KDM4C: variants seen among roughly 807,000 people sequenced by gnomAD.
KDM4C encodes the protein lysine-specific demethylase 4C.
In KDM4C, 81 loss-of-function variants were observed where a neutral mutation model predicts 129.3. That is an observed-to-expected ratio of 0.63 (90% confidence interval 0.52 to 0.75). KDM4C has a LOEUF of 0.75. Ranked by LOEUF, KDM4C falls within the 30% of genes least tolerant of loss-of-function variation. KDM4C has a pLI of 0.00. For missense variants in KDM4C, 1,457 were observed against 1,304.0 expected (o/e 1.12, Z -1.81); for synonymous variants, 573 against 456.1 (o/e 1.26, Z -3.26).
intron 1 of KDM4C, among the ~76,000 whole-genome samples, chr9:6,782,941 G>A (rs12006115): frequency 0.096 from 14,673 of 152,198 alleles, 826 homozygotes; most frequent in Non-Finnish European, 0.11. Context: ...GAGAATGGAT[G>A]TGAAAGATGC....
intron 8 of KDM4C, among the ~76,000 whole-genome samples, chr9:6,901,164 C>A (rs963187256): frequency 6.6e-6 from 1 of 152,086 alleles, no homozygotes; most frequent in African/African-American, 2.4e-5. Flanking sequence ...CATGAGGTGA[C>A]GTTTGAGAGA....
intron 1 of KDM4C, among the ~76,000 whole-genome samples, chr9:6,740,277 C>A (rs1438889752): frequency 2.0e-5 from 3 of 151,992 alleles, no homozygotes; most frequent in Non-Finnish European, 4.4e-5. Context: ...AATCTCGTCT[C>A]ACTGCAAGCT....
intron 17 of KDM4C, among the ~76,000 whole-genome samples, chr9:7,090,628 T>A (rs1835682934): frequency 6.6e-6 from 1 of 152,238 alleles, no homozygotes; most frequent in African/African-American, 2.4e-5. Context: ...TGGAATGGAC[T>A]GCTTGTGTTT....
intron 1 of KDM4C, among the ~76,000 whole-genome samples, chr9:6,784,748 C>G (rs1429052179): frequency 1.3e-5 from 2 of 152,244 alleles, no homozygotes; most frequent in East Asian, 1.9e-4. Context: ...TGAGTCCTGG[C>G]TTAGGCAAAA....
chr9:7,069,959 A>G (rs1587429854), intron 17 of KDM4C, among the ~76,000 whole-genome samples: 1 of 152,234 alleles, frequency 6.6e-6, no homozygotes, highest in Non-Finnish European at 1.5e-5. Context: ...TAGTGTGACT[A>G]AGAATATTTT....
At chr9:6,965,305 A>AT (rs1491059475) in intron 8 of KDM4C, among the ~76,000 whole-genome samples, 2 of 151,200 alleles carry the variant, frequency 1.3e-5, no homozygotes, top group Non-Finnish European at 3.0e-5. Context: ...ATATATATAT[A>AT]TTTGGATATA....
chr9:6,748,553 T>C (rs1180720448), intron 1 of KDM4C: 2 of 462,150 alleles, frequency 4.3e-6, no homozygotes, highest in Non-Finnish European at 7.8e-6. Flanking sequence ...GTATTATTAG[T>C]TTTAATACAA....
At chr9:6,994,633 T>C (rs1819368082) in intron 12 of KDM4C, among the ~76,000 whole-genome samples, 1 of 152,190 alleles carries the variant, frequency 6.6e-6, no homozygotes, top group Admixed American at 6.5e-5. Flanking sequence ...GGGAATGCCC[T>C]GGATAAGGCA....
chr9:7,128,697 G>T (rs1840288019), intron 19 of KDM4C, among the ~76,000 whole-genome samples: 1 of 152,132 alleles, frequency 6.6e-6, no homozygotes, highest in Admixed American at 6.6e-5. Context: ...TTCCACATGG[G>T]AGTAACAAAA....
At chr9:6,749,298 C>T (rs540404968) in intron 1 of KDM4C, among the ~76,000 whole-genome samples, 3 of 152,224 alleles carry the variant, frequency 2.0e-5, no homozygotes, top group East Asian at 3.9e-4. Flanking sequence ...GGATTGCAGG[C>T]GTGAGCTACC....
chr9:7,036,479 A>G (rs1827667360), intron 15 of KDM4C, among the ~76,000 whole-genome samples: 1 of 152,152 alleles, frequency 6.6e-6, no homozygotes, highest in African/African-American at 2.4e-5. Flanking sequence ...TAACATAGCT[A>G]CCAGAGCGGT....
At chr9:6,882,770 A>G (rs1004885925) in intron 6 of KDM4C, among the ~76,000 whole-genome samples, 3 of 107,392 alleles carry the variant, frequency 2.8e-5, no homozygotes, top group African/African-American at 1.1e-4. Flanking sequence ...GCTTTTAAGC[A>G]TTTGTGTGTG....
Position 7,175,023 on chromosome 9 carries a change from A to G in KDM4C, c.*294A>G. ...AAATACTAGTGAATCACCCACAAGG[A>G]AAAGCCACTGCCACAGAGGAGGCGG... On this transcript the variant is annotated 3_prime_UTR_variant, in exon 22 of 22. Coordinates refer to ENST00000381309, the MANE Select transcript of KDM4C (RefSeq NM_015061.6). 4.0e-6 allele frequency: 1 copy of G among 249,898 alleles called. No homozygotes were observed. Among genetic ancestry groups the G allele is most frequent in the Non-Finnish European group, 7.9e-6 (1 of 126,942 alleles). The allele number at this position is 249,898 out of a possible 1,614,324, so 15.5% of individuals were successfully genotyped here.
chr9:7,042,624 A>G (rs1252922680), intron 15 of KDM4C, among the ~76,000 whole-genome samples: 1 of 152,062 alleles, frequency 6.6e-6, no homozygotes, highest in Non-Finnish European at 1.5e-5. Flanking sequence ...CTCTACCAGT[A>G]TCATCTTCGT....
At chr9:6,926,432 T>C (rs1358879277) in intron 8 of KDM4C, among the ~76,000 whole-genome samples, 1 of 151,972 alleles carries the variant, frequency 6.6e-6, no homozygotes, top group Non-Finnish European at 1.5e-5. Context: ...CTGGTTTTCA[T>C]TTTTTTGCTC....
chr9:7,092,888 A>T (rs1436510911), intron 17 of KDM4C, among the ~76,000 whole-genome samples: 2 of 152,198 alleles, frequency 1.3e-5, no homozygotes, highest in South Asian at 4.1e-4. Context: ...ATTTTTAAAT[A>T]TTGAGAAGAT....
intron 12 of KDM4C, among the ~76,000 whole-genome samples, chr9:6,999,860 A>T (rs547484549): frequency 1.3e-3 from 202 of 152,324 alleles, no homozygotes; most frequent in Middle Eastern, 3.4e-3. Flanking sequence ...TGGCTGCTGC[A>T]TGTCATGCTC....
At chr9:6,761,570 C>G (rs1819511236) in intron 1 of KDM4C, among the ~76,000 whole-genome samples, 1 of 151,762 alleles carries the variant, frequency 6.6e-6, no homozygotes, top group Non-Finnish European at 1.5e-5. Context: ...TCCGCTTGCC[C>G]CAGCCTCCCA....
chr9:7,014,483 A>G (rs1823286735), intron 14 of KDM4C: 1 of 153,766 alleles, frequency 6.5e-6, no homozygotes, highest in Non-Finnish European at 1.4e-5. Flanking sequence ...GAGAACAGTC[A>G]TTACAGTTGT....
Sources: gnomAD v4.1 joint callset for allele counts (sites outside exome capture counted in the v4.1 genomes callset) on GRCh38, gnomAD v4.1.1 for gene constraint, MANE v1.5 for transcripts, NCBI Gene and HGNC (gene_info 2026-07-23, HGNC 2026-07-21) for gene names.